PDE4D: variants seen among roughly 807,000 people sequenced by gnomAD.
PDE4D encodes phosphodiesterase 4D, also known as 3',5'-cyclic-AMP phosphodiesterase 4D.
A neutral mutation model predicts 87.4 loss-of-function variants in PDE4D; 24 were observed. The observed-to-expected ratio is 0.27, with a 90% CI of 0.20 to 0.39. The LOEUF is 0.39. Ranked by LOEUF, PDE4D falls within the 10% of genes least tolerant of loss-of-function variation. The pLI is 1.00. For missense variants in PDE4D, 714 were observed against 1,041.0 expected (o/e 0.69, Z 4.32); for synonymous variants, 384 against 383.2 (o/e 1.00, Z -0.02).
At chr5:60,017,213 T>C (rs1360039170) in intron 2 of PDE4D, among the ~76,000 whole-genome samples, 3 of 152,206 alleles carry the variant, frequency 2.0e-5, no homozygotes, top group Admixed American at 2.0e-4. Flanking sequence ...CAGTATATCA[T>C]GCTGCAGACA....
chr5:59,003,374 C>T (rs1340152103), intron 6 of PDE4D, among the ~76,000 whole-genome samples: 2 of 152,186 alleles, frequency 1.3e-5, no homozygotes. Context: ...CTGACAATCC[C>T]ATCTCTGTCT....
intron 1 of PDE4D, among the ~76,000 whole-genome samples, chr5:59,433,979 G>A (rs1297485647): frequency 1.3e-5 from 2 of 151,642 alleles, no homozygotes; most frequent in Non-Finnish European, 2.9e-5. Flanking sequence ...CCTGGCCTAC[G>A]TTTAGCAATT....
chr5:59,477,633 T>C (rs1272965739), intron 1 of PDE4D, among the ~76,000 whole-genome samples: 3 of 152,086 alleles, frequency 2.0e-5, no homozygotes, highest in Admixed American at 2.0e-4. Context: ...CTGTGAAAAG[T>C]AGTTTGGAGA....
intron 1 of PDE4D, among the ~76,000 whole-genome samples, chr5:60,333,476 G>A (rs1757477824): frequency 6.6e-6 from 1 of 152,052 alleles, no homozygotes; most frequent in Non-Finnish European, 1.5e-5. Flanking sequence ...TCTCTCTCTG[G>A]TTTTAGCTCC....
intron 1 of PDE4D, among the ~76,000 whole-genome samples, chr5:60,485,588 A>G (rs919326505): frequency 2.6e-5 from 4 of 152,204 alleles, no homozygotes; most frequent in African/African-American, 7.2e-5. Flanking sequence ...CCATCTGTCT[A>G]TGGCAGATAT....
intron 1 of PDE4D, among the ~76,000 whole-genome samples, chr5:59,695,358 T>C (rs533388601): frequency 6.6e-6 from 1 of 152,286 alleles, no homozygotes; most frequent in Admixed American, 6.5e-5. Flanking sequence ...AACTGCACCT[T>C]TTATTGCCAT....
chr5:59,651,294 T>G (rs936545182), intron 1 of PDE4D, among the ~76,000 whole-genome samples: 4 of 146,668 alleles, frequency 2.7e-5, no homozygotes, highest in Middle Eastern at 3.3e-3. Context: ...ATAATAATAA[T>G]AATAATAATA....
At position 59,666,509 on chromosome 5, in the gene PDE4D, T is replaced by G. The variant is rs1746098874; in HGVS notation, c.455+226659A>C. Among the ~76,000 whole-genome samples, 4 of 152,338 alleles carry G rather than the reference T, an allele frequency of 2.6e-5. 1 individual carries two copies. The South Asian group carries it at 8.3e-4, about 32-fold the overall frequency. ...TTATTAAACATAGTCACAAATCTTT[T>G]GGAATTTTTCAGCAAGCAATAAAGT... On this transcript the variant is annotated intron_variant, in intron 1 of 14. Transcript: ENST00000340635.
intron 1 of PDE4D, among the ~76,000 whole-genome samples, chr5:59,473,338 T>C (rs1802775308): frequency 1.3e-5 from 2 of 152,072 alleles, no homozygotes; most frequent in African/African-American, 4.8e-5. Flanking sequence ...ACATAACTTA[T>C]CACATTATTA....
chr5:59,193,635 T>C (rs2153486734), intron 2 of PDE4D, 99 bp from the exon 3 acceptor site: 4 of 1,550,400 alleles, frequency 2.6e-6, no homozygotes, highest in Non-Finnish European at 3.5e-6. Flanking sequence ...TGAGTTCCCA[T>C]AGAGAATTAC....
chr5:60,025,192 G>A (rs1473536903), intron 2 of PDE4D, among the ~76,000 whole-genome samples: 4 of 152,168 alleles, frequency 2.6e-5, no homozygotes, highest in African/African-American at 9.7e-5. Flanking sequence ...CACTTATAAA[G>A]TAGTCTGTCA....
intron 1 of PDE4D, among the ~76,000 whole-genome samples, chr5:59,687,651 C>T (rs1012643827): frequency 6.6e-6 from 1 of 152,202 alleles, no homozygotes; most frequent in Admixed American, 6.5e-5. Context: ...TAGGAAGAGA[C>T]TGCATCAACT....
chr5:59,023,833 C>T (rs1755690844), intron 6 of PDE4D, among the ~76,000 whole-genome samples: 2 of 150,966 alleles, frequency 1.3e-5, no homozygotes, highest in South Asian at 2.1e-4. Flanking sequence ...ATGTATCAAA[C>T]AGACAATATA....
intron 1 of PDE4D, among the ~76,000 whole-genome samples, chr5:60,279,266 C>T (rs867162430): frequency 3.9e-5 from 6 of 152,270 alleles, no homozygotes; most frequent in South Asian, 2.1e-4. Flanking sequence ...TAGGCCTCCA[C>T]GGACACCAGC....
intron 1 of PDE4D, among the ~76,000 whole-genome samples, chr5:59,532,213 T>C (rs925200736): frequency 2.0e-5 from 3 of 152,070 alleles, no homozygotes; most frequent in Admixed American, 1.3e-4. Flanking sequence ...CAGCACACTG[T>C]AACCTCTGCC....
chr5:59,770,249 A>G (rs1434303018), intron 1 of PDE4D, among the ~76,000 whole-genome samples: 1 of 152,082 alleles, frequency 6.6e-6, no homozygotes, highest in African/African-American at 2.4e-5. Flanking sequence ...TATATATACT[A>G]TATTTCTATA....
At chr5:59,229,391 G>A (rs1421811064) in intron 1 of PDE4D, among the ~76,000 whole-genome samples, 2 of 152,126 alleles carry the variant, frequency 1.3e-5, no homozygotes, top group East Asian at 3.9e-4. Flanking sequence ...ATAGGTTAAT[G>A]AGATTGATTA....
intron 1 of PDE4D, among the ~76,000 whole-genome samples, chr5:59,458,684 C>T (rs17796040): frequency 0.089 from 13,552 of 152,238 alleles, 631 homozygotes; most frequent in African/African-American, 0.11. Context: ...TAACCTACAA[C>T]GATTTCTGGA....
chr5:59,466,505 G>T (rs1363455030), intron 1 of PDE4D, among the ~76,000 whole-genome samples: 1 of 152,138 alleles, frequency 6.6e-6, no homozygotes, highest in African/African-American at 2.4e-5. Context: ...TCCTGCTGAC[G>T]AGAATGCTGT....
Sources: gnomAD v4.1 joint callset for allele counts (sites outside exome capture counted in the v4.1 genomes callset) on GRCh38, gnomAD v4.1.1 for gene constraint, MANE v1.5 for transcripts, NCBI Gene and HGNC (gene_info 2026-07-23, HGNC 2026-07-21) for gene names.